Variants in SEMA5A observed in about 807,000 individuals in gnomAD.
The protein encoded by SEMA5A is semaphorin-5A.
Under a neutral mutation model 135.5 loss-of-function variants are expected in SEMA5A, and 55 were observed. The ratio of observed to expected loss-of-function variants is 0.41; its 90% CI spans 0.33 to 0.51. The LOEUF is 0.51. Ranked by LOEUF, SEMA5A falls within the 20% of genes least tolerant of loss-of-function variation. The pLI, the probability that SEMA5A is intolerant of heterozygous loss-of-function variation, is 0.37. For missense variants in SEMA5A, 1,290 were observed against 1,419.9 expected (o/e 0.91, Z 1.47); for synonymous variants, 580 against 546.5 (o/e 1.06, Z -0.85).
At chr5:9,318,320 T>C in intron 5 of SEMA5A, 52 bp downstream of exon 5, 1 of 1,520,714 alleles carries the variant, frequency 6.6e-7, no homozygotes, top group South Asian at 1.2e-5. Flanking sequence ...CCTCAAACAG[T>C]GAGTTAATTG....
intron 16 of SEMA5A, among the ~76,000 whole-genome samples, chr5:9,078,012 A>G (rs183535763): frequency 1.3e-5 from 2 of 152,328 alleles, no homozygotes; most frequent in African/African-American, 2.4e-5. Context: ...GGAAATCTTT[A>G]TTACAGAGGC....
At chr5:9,333,343 T>C (rs1753242820) in intron 4 of SEMA5A, among the ~76,000 whole-genome samples, 1 of 152,228 alleles carries the variant, frequency 6.6e-6, no homozygotes, top group South Asian at 2.1e-4. Flanking sequence ...GGCCAATTTG[T>C]AAATGTCCAA....
Position 9,040,190 on chromosome 5 carries a change from G to GAA in SEMA5A, c.*2705_*2706dup, listed in dbSNP as rs1157504846. ...ATTAAAGAAAGAAGAAAGGAAAGAAGAAAAGAAGGCAGGAAGGAAGAACAA... is the reference window on the plus strand; with the variant it reads ...ATTAAAGAAAGAAGAAAGGAAAGAAGAAAAAAGAAGGCAGGAAGGAAGAACAA... On this transcript the variant is annotated 3_prime_UTR_variant, in exon 23 of 23. Transcript: ENST00000382496. The GAA allele has an allele frequency of 6.6e-6, 1 of 152,216 alleles. No individual in the cohort carries two copies. The highest frequency in any genetic ancestry group is 1.9e-4 in the East Asian group (1 of 5,178). 9.4% of individuals were successfully genotyped at this position (152,216 alleles called of 1,614,324 possible). A position where few individuals can be genotyped will look rare whatever the true frequency, so the allele number is the denominator to read the frequency against.
chr5:9,321,098 A>T (rs1389333656), intron 4 of SEMA5A, among the ~76,000 whole-genome samples: 1 of 151,916 alleles, frequency 6.6e-6, no homozygotes, highest in Non-Finnish European at 1.5e-5. Context: ...GTCTCATGAG[A>T]TCTGATGGTT....
At chr5:9,195,729 A>G (rs991834691) in intron 10 of SEMA5A, among the ~76,000 whole-genome samples, 4 of 152,248 alleles carry the variant, frequency 2.6e-5, no homozygotes, top group African/African-American at 9.6e-5. Context: ...AAAAGCTTAA[A>G]GACAACAACA....
chr5:9,415,405 G>T (rs972853948), intron 2 of SEMA5A, among the ~76,000 whole-genome samples: 2 of 152,146 alleles, frequency 1.3e-5, no homozygotes, highest in African/African-American at 2.4e-5. Context: ...GACGTAAAAT[G>T]ATAGCACGAG....
At chr5:9,340,153 G>A (rs999528681) in intron 3 of SEMA5A, among the ~76,000 whole-genome samples, 6 of 152,142 alleles carry the variant, frequency 3.9e-5, no homozygotes, top group African/African-American at 1.4e-4. Flanking sequence ...GTTAAACATC[G>A]CTAAGACCTA....
intron 1 of SEMA5A, among the ~76,000 whole-genome samples, chr5:9,473,383 T>TAAAAAAA (rs58137756): frequency 0.056 from 4,432 of 79,632 alleles, 473 homozygotes; most frequent in African/African-American, 0.078. Context: ...CAATCAGTGG[T>TAAAAAAA]AAAAAAAAAA....
At chr5:9,508,390 T>C (rs1213335917) in intron 1 of SEMA5A, among the ~76,000 whole-genome samples, 1 of 152,172 alleles carries the variant, frequency 6.6e-6, no homozygotes, top group Non-Finnish European at 1.5e-5. Context: ...CCACTGTAAA[T>C]GTCGCCACTG....
chr5:9,532,255 C>G (rs1737486739), intron 1 of SEMA5A, among the ~76,000 whole-genome samples: 1 of 149,890 alleles, frequency 6.7e-6, no homozygotes, highest in Admixed American at 6.6e-5. Context: ...TGGGGAAAAA[C>G]AGTAATCAAT....
intron 15 of SEMA5A, among the ~76,000 whole-genome samples, chr5:9,109,186 G>A (rs1023945234): frequency 2.7e-5 from 4 of 149,566 alleles, no homozygotes; most frequent in Non-Finnish European, 6.0e-5. Context: ...GACTACAGGC[G>A]CCCGCCACTA....
chr5:9,135,836 CA>C (rs201510311), intron 13 of SEMA5A, among the ~76,000 whole-genome samples: 17 of 150,616 alleles, frequency 1.1e-4, no homozygotes, highest in South Asian at 2.1e-4. Context: ...AACAAACAAA[CA>C]AAAAAAAAGC....
intron 7 of SEMA5A, 45 bp from the exon 8 acceptor site, chr5:9,224,932 C>A (rs747660123): frequency 6.5e-7 from 1 of 1,542,678 alleles, no homozygotes; most frequent in Non-Finnish European, 8.9e-7. Context: ...CTGCACAAGC[C>A]CCTTTAGTGA....
At chr5:9,286,266 A>T (rs893820432) in intron 5 of SEMA5A, among the ~76,000 whole-genome samples, 1 of 152,194 alleles carries the variant, frequency 6.6e-6, no homozygotes, top group Non-Finnish European at 1.5e-5. Flanking sequence ...TGCCATGTGT[A>T]TTATATATAG....
intron 2 of SEMA5A, among the ~76,000 whole-genome samples, chr5:9,393,730 TA>T (rs1334683886): frequency 3.3e-5 from 5 of 152,102 alleles, no homozygotes; most frequent in Non-Finnish European, 7.4e-5. Flanking sequence ...AGTGTCTTCC[TA>T]AAAAAAGACA....
At chr5:9,427,605 G>T (rs1448852119) in intron 2 of SEMA5A, among the ~76,000 whole-genome samples, 1 of 152,134 alleles carries the variant, frequency 6.6e-6, no homozygotes. Flanking sequence ...CATCACAACT[G>T]CTGCTCACAG....
At chr5:9,523,662 A>G (rs1736959645) in intron 1 of SEMA5A, among the ~76,000 whole-genome samples, 1 of 152,174 alleles carries the variant, frequency 6.6e-6, no homozygotes, top group Admixed American at 6.5e-5. Context: ...GGTCTGGAGG[A>G]GGAGGCATAC....
chr5:9,383,827 C>T (rs183143024), intron 2 of SEMA5A, among the ~76,000 whole-genome samples: 1 of 152,128 alleles, frequency 6.6e-6, no homozygotes. Context: ...GAAGCCCTAA[C>T]ATCTTTGCCA....
intron 3 of SEMA5A, among the ~76,000 whole-genome samples, chr5:9,372,448 G>A (rs559837774): frequency 1.3e-5 from 2 of 152,254 alleles, no homozygotes; most frequent in Non-Finnish European, 2.9e-5. Context: ...GGACACACAT[G>A]GAGCCATGGG....
Sources: gnomAD v4.1 joint callset for allele counts (sites outside exome capture counted in the v4.1 genomes callset) on GRCh38, gnomAD v4.1.1 for gene constraint, MANE v1.5 for transcripts, NCBI Gene and HGNC (gene_info 2026-07-23, HGNC 2026-07-21) for gene names.